DYNC1I1: variants seen among roughly 807,000 people sequenced by gnomAD.
DYNC1I1 encodes dynein cytoplasmic 1 intermediate chain 1.
DYNC1I1 carries 43 observed loss-of-function variants against 86.6 expected under a neutral mutation model. The observed-to-expected ratio is 0.50, with a 90% CI of 0.39 to 0.64. The LOEUF (loss-of-function observed/expected upper bound fraction) is 0.64. Among genes scored for constraint, DYNC1I1 ranks in the 30% least tolerant of loss-of-function variants. The pLI is 0.00. For synonymous variants in DYNC1I1, 262 were observed against 283.7 expected, an observed-to-expected ratio of 0.92 and a Z score of 0.77; for missense variants, 604 against 788.8, an observed-to-expected ratio of 0.77 and a Z score of 2.81.
At chr7:95,818,630 C>T in intron 4 of DYNC1I1, 1 of 516,084 alleles carries the variant, frequency 1.9e-6, no homozygotes, top group Non-Finnish European at 3.5e-6. Context: ...ACAGGCAGGA[C>T]CCATTGTGCC....
At chr7:95,861,833 C>G (rs896961647) in intron 5 of DYNC1I1, among the ~76,000 whole-genome samples, 3 of 152,130 alleles carry the variant, frequency 2.0e-5, no homozygotes, top group African/African-American at 7.2e-5. Context: ...GTGATGGGGT[C>G]TCTCCCCTTG....
At chr7:95,837,399 C>G (rs914008129) in intron 5 of DYNC1I1, among the ~76,000 whole-genome samples, 7 of 152,146 alleles carry the variant, frequency 4.6e-5, no homozygotes, top group African/African-American at 1.7e-4. Context: ...TTTAAGTCTG[C>G]AGAGGTTACT....
intron 7 of DYNC1I1, among the ~76,000 whole-genome samples, chr7:95,980,697 G>C (rs1027326314): frequency 4.0e-5 from 6 of 151,528 alleles, no homozygotes; most frequent in African/African-American, 1.5e-4. Context: ...ATTTATTACT[G>C]TTTCACTTTT....
intron 14 of DYNC1I1, among the ~76,000 whole-genome samples, chr7:96,056,702 A>G (rs1483998904): frequency 6.6e-6 from 1 of 152,076 alleles, no homozygotes; most frequent in Non-Finnish European, 1.5e-5. Context: ...ATCTATATCT[A>G]TATATAGTAT....
chr7:96,042,910 C>T lies in DYNC1I1; in HGVS notation c.1509+3489C>T, dbSNP rs1789094703. Among the ~76,000 whole-genome samples, 3 of 152,012 alleles carry T rather than the reference C, an allele frequency of 2.0e-5. No individual in the cohort carries two copies. In the South Asian group the frequency reaches 6.2e-4, roughly 32 times the overall value. On this transcript the variant is annotated intron_variant, in intron 14 of 16. Coordinates refer to ENST00000447467, the MANE Select transcript of DYNC1I1 (RefSeq NM_001135556.2). ...GGGACTGTGGCTCACACCTGTGATC[C>T]CAGCACTTTGGGAGGCTGAGGCGGG...
chr7:95,983,072 T>C (rs2115673672), intron 7 of DYNC1I1, among the ~76,000 whole-genome samples: 1 of 152,298 alleles, frequency 6.6e-6, no homozygotes. Context: ...ATCTAGCATA[T>C]GGCAGGGTGC....
chr7:95,934,997 T>C (rs1441497307), intron 6 of DYNC1I1, among the ~76,000 whole-genome samples: 1 of 151,316 alleles, frequency 6.6e-6, no homozygotes, highest in East Asian at 2.0e-4. Context: ...ACACTTAACA[T>C]AAGATCTACT....
At chr7:95,850,081 G>T (rs1046061964) in intron 5 of DYNC1I1, among the ~76,000 whole-genome samples, 1 of 129,410 alleles carries the variant, frequency 7.7e-6, no homozygotes, top group African/African-American at 2.6e-5. Context: ...AACGGCATTT[G>T]TTTATTATTT....
chr7:96,038,573 T>A (rs1216659507), intron 13 of DYNC1I1, among the ~76,000 whole-genome samples: 11 of 152,214 alleles, frequency 7.2e-5, no homozygotes, highest in African/African-American at 2.7e-4. Flanking sequence ...ATTCAACAAA[T>A]ATTTATTGAG....
chr7:95,899,165 T>C (rs1790968878), intron 6 of DYNC1I1, among the ~76,000 whole-genome samples: 1 of 152,180 alleles, frequency 6.6e-6, no homozygotes, highest in African/African-American at 2.4e-5. Flanking sequence ...AAATTGTAGA[T>C]ACTCAATTGA....
intron 6 of DYNC1I1, among the ~76,000 whole-genome samples, chr7:95,935,908 T>C (rs1426886989): frequency 6.6e-6 from 1 of 152,008 alleles, no homozygotes; most frequent in Non-Finnish European, 1.5e-5. Context: ...CAATGAGATA[T>C]TGCCTCATAC....
chr7:95,974,001 TTTG>T (rs1793240936), intron 6 of DYNC1I1, among the ~76,000 whole-genome samples: 1 of 152,188 alleles, frequency 6.6e-6, no homozygotes, highest in African/African-American at 2.4e-5. Flanking sequence ...CAAGAATCTA[TTTG>T]TTATTAGTCT....
intron 6 of DYNC1I1, among the ~76,000 whole-genome samples, chr7:95,917,279 A>T (rs1306903616): frequency 6.6e-6 from 1 of 152,152 alleles, no homozygotes; most frequent in Non-Finnish European, 1.5e-5. Flanking sequence ...GCATGATTTT[A>T]TAGACTCAAA....
At chr7:95,895,269 G>A (rs1218583876) in intron 6 of DYNC1I1, among the ~76,000 whole-genome samples, 2 of 152,136 alleles carry the variant, frequency 1.3e-5, no homozygotes, top group Admixed American at 6.5e-5. Context: ...AGTACAATAA[G>A]AGAAAATGAC....
chr7:95,828,130 C>G lies in DYNC1I1; in HGVS notation c.374+14C>G. 1.9e-6 allele frequency: 3 copies of G among 1,613,470 alleles called. No individual in the cohort carries two copies. In the South Asian group the frequency reaches 3.3e-5, roughly 18 times the overall value. ...CTCAGAACTTGGGTATATGTCTGCT[C>G]TTTTGTTACTCCTTTTATTATTTCT... is the stretch of plus-strand genomic sequence containing the variant. On this transcript the variant is annotated intron_variant, in intron 5 of 16. Transcript: ENST00000447467.
intron 6 of DYNC1I1, among the ~76,000 whole-genome samples, chr7:95,910,025 C>A (rs1470417349): frequency 1.3e-5 from 2 of 152,184 alleles, no homozygotes; most frequent in Admixed American, 1.3e-4. Flanking sequence ...CACTGTTAGG[C>A]CACTGCAAGA....
intron 5 of DYNC1I1, among the ~76,000 whole-genome samples, chr7:95,860,898 T>G (rs77304329): frequency 0.087 from 13,184 of 152,128 alleles, 621 homozygotes; most frequent in Non-Finnish European, 0.097. Flanking sequence ...ATGATGTAAT[T>G]ACTTTCTAAA....
intron 6 of DYNC1I1, among the ~76,000 whole-genome samples, chr7:95,906,954 T>C (rs1274418531): frequency 6.6e-6 from 1 of 152,218 alleles, no homozygotes. Flanking sequence ...GCATTTTAGC[T>C]GGGCTTCCAT....
chr7:96,031,221 G>C (rs953145030), intron 11 of DYNC1I1, among the ~76,000 whole-genome samples: 2 of 152,060 alleles, frequency 1.3e-5, no homozygotes, highest in African/African-American at 4.8e-5. Context: ...CACTGGAAGA[G>C]GAATCAGACA....
Sources: allele counts gnomAD v4.1 joint callset (sites outside exome capture counted in the v4.1 genomes callset), GRCh38; gene constraint gnomAD v4.1.1; transcripts MANE v1.5; gene names NCBI Gene and HGNC (gene_info 2026-07-23, HGNC 2026-07-21).